FRY: variants seen among roughly 807,000 people sequenced by gnomAD.
The protein encoded by FRY is protein furry homolog.
Under a neutral mutation model 348.4 loss-of-function variants are expected in FRY, and 128 were observed. That is an observed-to-expected ratio of 0.37 (90% CI 0.32 to 0.43). FRY has a LOEUF of 0.43. Among genes scored for constraint, FRY ranks in the 20% least tolerant of loss-of-function variants. FRY has a pLI of 1.00. For missense variants in FRY, 2,736 were observed against 3,695.2 expected, an observed-to-expected ratio of 0.74 and a Z score of 6.73; for synonymous variants, 1,370 against 1,374.7, an observed-to-expected ratio of 1.00 and a Z score of 0.08.
At chr13:32,149,609 T>C in intron 13 of FRY, 139 bp from the exon 14 acceptor site, 2 of 672,302 alleles carry the variant, frequency 3.0e-6, no homozygotes, top group South Asian at 1.6e-5. Context: ...CTCCAGGTTC[T>C]CTGCAAGCCA....
At chr13:32,136,218 G>A (rs904331016) in intron 10 of FRY, among the ~76,000 whole-genome samples, 6 of 151,908 alleles carry the variant, frequency 3.9e-5, no homozygotes, top group Non-Finnish European at 8.8e-5. Context: ...GATTTTTTTC[G>A]GTGGCTGTTC....
chr13:32,101,015 A>C (rs1302337020), intron 2 of FRY, among the ~76,000 whole-genome samples: 1 of 152,198 alleles, frequency 6.6e-6, no homozygotes, highest in African/African-American at 2.4e-5. Context: ...AGCACAATAC[A>C]TTATTAACTG....
At chr13:32,271,745 AT>A in intron 55 of FRY, among the ~76,000 whole-genome samples, 1 of 152,346 alleles carries the variant, frequency 6.6e-6, no homozygotes, top group East Asian at 1.9e-4. Context: ...CTGATGTGCC[AT>A]TTGTTGTCTG....
Position 32,146,041 on chromosome 13 carries a change from T to C in FRY, c.1180-1241T>C, listed in dbSNP as rs549346938. Among the ~76,000 whole-genome samples, 4 of 152,250 alleles carry C rather than the reference T, an allele frequency of 2.6e-5. No homozygotes were observed. The South Asian group carries it at 8.3e-4, about 32-fold the overall frequency. ...TTTCCTCTCAAGCCTCACCACCTAC[T>C]GCTCCTTCACCTGGCCTTGCACTGG... On this transcript the variant is annotated intron_variant, in intron 11 of 60. Coordinates refer to ENST00000542859, the MANE Select transcript of FRY (RefSeq NM_023037.3).
chr13:32,145,328 A>G (rs1195373031), intron 11 of FRY, among the ~76,000 whole-genome samples: 1 of 152,322 alleles, frequency 6.6e-6, no homozygotes, highest in South Asian at 2.1e-4. Context: ...AGGGTACTAC[A>G]GCAGTCCAGA....
intron 11 of FRY, among the ~76,000 whole-genome samples, chr13:32,140,091 A>G (rs1179425240): frequency 2.0e-5 from 3 of 149,612 alleles, no homozygotes; most frequent in African/African-American, 7.6e-5. Flanking sequence ...TATTAAAAAA[A>G]AAACAAAAAC....
Position 32,295,322 on chromosome 13 carries a change from T to TA in FRY, c.8906dup (p.Asn2969LysfsTer44). 1 of 1,610,000 alleles carries TA rather than the reference T, an allele frequency of 6.2e-7. No homozygotes were observed. The highest frequency in any genetic ancestry group is 8.5e-7 in the Non-Finnish European group (1 of 1,178,534). ...CGGGTACTTATGCCCTGGTGGGGTC[T>TA]AACCAGAGCCTGACCGAGATCTGCA... On this transcript the variant is annotated frameshift_variant, in exon 61 of 61. Transcript: ENST00000542859. LOFTEE classifies it high-confidence loss of function.
chr13:32,113,700 C>A (rs1878120888), intron 3 of FRY, among the ~76,000 whole-genome samples: 1 of 152,214 alleles, frequency 6.6e-6, no homozygotes. Flanking sequence ...AGCTAGAATT[C>A]ATCTTACCAT....
chr13:32,038,116 C>T (rs1449035004), intron 1 of FRY, among the ~76,000 whole-genome samples: 1 of 152,128 alleles, frequency 6.6e-6, no homozygotes, highest in Non-Finnish European at 1.5e-5. Flanking sequence ...CTTAAATGCT[C>T]CTGGTTTAGA....
chr13:32,228,759 A>G, intron 40 of FRY, 105 bp downstream of exon 40: 1 of 947,854 alleles, frequency 1.1e-6, no homozygotes, highest in Non-Finnish European at 1.7e-6. Context: ...GGTTCTAACA[A>G]AGTCCTGTTT....
chr13:32,202,939 A>ACT (rs10660836), intron 31 of FRY, among the ~76,000 whole-genome samples: 60,910 of 150,328 alleles, frequency 0.41, 12,502 homozygotes, highest in Admixed American at 0.42. Flanking sequence ...ACAGAGTGAG[A>ACT]CAGTCTCAAA....
At chr13:32,185,311 T>A (rs1882964234) in intron 26 of FRY, among the ~76,000 whole-genome samples, 163 bp downstream of exon 26, 1 of 152,214 alleles carries the variant, frequency 6.6e-6, no homozygotes, top group African/African-American at 2.4e-5. Flanking sequence ...GAACAGATTG[T>A]CATTACTCAG....
intron 1 of FRY, among the ~76,000 whole-genome samples, chr13:32,063,775 A>C (rs960030877): frequency 6.6e-6 from 1 of 152,222 alleles, no homozygotes; most frequent in Non-Finnish European, 1.5e-5. Flanking sequence ...CAGAAATGAC[A>C]TACTGTCATC....
chr13:32,087,230 A>G (rs534428569), intron 2 of FRY, among the ~76,000 whole-genome samples: 18 of 152,362 alleles, frequency 1.2e-4, no homozygotes, highest in African/African-American at 3.4e-4. Flanking sequence ...TAGGAACATC[A>G]GTCATGGCCA....
intron 14 of FRY, among the ~76,000 whole-genome samples, 192 bp downstream of exon 14, chr13:32,150,026 C>T (rs747971054): frequency 9.2e-5 from 14 of 152,082 alleles, no homozygotes; most frequent in East Asian, 1.9e-4. Flanking sequence ...TAGAATGAAA[C>T]GGTTAGTTGA....
At chr13:32,263,728 G>A (rs1162224848) in intron 53 of FRY, among the ~76,000 whole-genome samples, 1 of 152,120 alleles carries the variant, frequency 6.6e-6, no homozygotes, top group Non-Finnish European at 1.5e-5. Context: ...GCTACCTAAG[G>A]CCAGGCGCTT....
In FRY at chr13:32,216,536, T is replaced by G. The variant is rs536846468; in HGVS notation, c.4683-2213T>G. 3.3e-5 allele frequency among the ~76,000 whole-genome samples: 5 copies of G among 152,340 alleles called. No individual in the cohort carries two copies. The South Asian group carries it at 1.0e-3, about 32-fold the overall frequency. On this transcript the variant is annotated intron_variant, in intron 35 of 60. Coordinates refer to ENST00000542859, the MANE Select transcript of FRY (RefSeq NM_023037.3). ...CCAGGGCACAATTTAAAACCCGACA[T>G]AGAGCACAGTTCATGGTAGCTGGAA... is the stretch of plus-strand genomic sequence containing the variant.
At chr13:32,071,969 G>A (rs1326435036) in intron 1 of FRY, among the ~76,000 whole-genome samples, 2 of 152,076 alleles carry the variant, frequency 1.3e-5, no homozygotes, top group African/African-American at 4.8e-5. Flanking sequence ...AAAAGATAAC[G>A]TCATCACATT....
At chr13:32,178,108 G>C in intron 20 of FRY, 69 bp from the exon 21 acceptor site, 1 of 1,552,326 alleles carries the variant, frequency 6.4e-7, no homozygotes, top group Non-Finnish European at 8.9e-7. Context: ...GAGTAGTCAG[G>C]CTGAGCCTTG....
Sources: gnomAD v4.1 joint callset for allele counts (sites outside exome capture counted in the v4.1 genomes callset) on GRCh38, gnomAD v4.1.1 for gene constraint, MANE v1.5 for transcripts, NCBI Gene and HGNC (gene_info 2026-07-23, HGNC 2026-07-21) for gene names.